The following ATP2B4 variants were observed in gnomAD, a reference collection of about 807,000 sequenced individuals.
ATP2B4 encodes the protein ATPase plasma membrane Ca2+ transporting 4, also known as plasma membrane calcium-transporting ATPase 4.
In ATP2B4, 39 loss-of-function variants were observed where a neutral mutation model predicts 110.3. The observed-to-expected ratio is 0.35, with a 90% CI of 0.27 to 0.46. The LOEUF is 0.46. ATP2B4 is among the 20% of genes least tolerant of loss of function. The pLI, the probability that ATP2B4 is intolerant of heterozygous loss-of-function variation, is 1.00. For synonymous variants in ATP2B4, 538 were observed against 571.7 expected, an observed-to-expected ratio of 0.94 and a Z score of 0.84; for missense variants, 1,135 against 1,530.9, an observed-to-expected ratio of 0.74 and a Z score of 4.32.
chr1:203,731,328 C>T (rs773670806), intron 20 of ATP2B4, among the ~76,000 whole-genome samples: 25 of 152,342 alleles, frequency 1.6e-4, no homozygotes, highest in Non-Finnish European at 2.5e-4. Context: ...ATTCTGCCTA[C>T]TTTCCCATCT....
At position 203,685,513 on chromosome 1, in the gene ATP2B4, A is replaced by G. The variant is rs995084248; in HGVS notation, c.193+2115A>G. 4.0e-5 allele frequency among the ~76,000 whole-genome samples: 6 copies of G among 149,946 alleles called. No homozygotes were observed. In the South Asian group the frequency reaches 6.4e-4, roughly 16 times the overall value. On this transcript the variant is annotated intron_variant, in intron 2 of 20. Coordinates refer to ENST00000357681, the MANE Select transcript of ATP2B4 (RefSeq NM_001684.5). ...TGTTACCCTTTGCCAGTGCTGTATT[A>G]TAAGTTAGTGACTTGGAGCCTAGAC...
intron 1 of ATP2B4, among the ~76,000 whole-genome samples, chr1:203,682,428 C>T (rs968153502): frequency 1.5e-4 from 23 of 152,122 alleles, no homozygotes; most frequent in African/African-American, 5.1e-4. Flanking sequence ...CATCAGAGGT[C>T]GTAACCATTT....
chr1:203,703,564 G>T, intron 7 of ATP2B4, 88 bp from the exon 8 acceptor site: 1 of 1,460,844 alleles, frequency 6.8e-7, no homozygotes, highest in Non-Finnish European at 9.4e-7. Context: ...CCGGGAAAGA[G>T]ACAGGAAGGT....
At chr1:203,696,802 T>A (rs1171601120) in intron 2 of ATP2B4, among the ~76,000 whole-genome samples, 1 of 152,164 alleles carries the variant, frequency 6.6e-6, no homozygotes, top group Admixed American at 6.6e-5. Context: ...CTGTGTGGTA[T>A]GTATTGTGTA....
intron 8 of ATP2B4, among the ~76,000 whole-genome samples, chr1:203,705,757 C>T (rs1340093633): frequency 1.3e-5 from 2 of 152,182 alleles, no homozygotes; most frequent in Non-Finnish European, 2.9e-5. Flanking sequence ...TACCTGATGG[C>T]TGGCCACTAG....
chr1:203,706,613 A>G (rs923608514), intron 8 of ATP2B4, among the ~76,000 whole-genome samples: 6 of 152,182 alleles, frequency 3.9e-5, no homozygotes. Context: ...GAAATGGACA[A>G]GTACAGTCAT....
chr1:203,683,431 G>A (rs1327582888), intron 2 of ATP2B4, 33 bp downstream of exon 2: 1 of 1,549,112 alleles, frequency 6.5e-7, no homozygotes. Context: ...GGAGTTGGAG[G>A]AAGGTGGCTA....
intron 1 of ATP2B4, among the ~76,000 whole-genome samples, chr1:203,669,590 C>A (rs1434301557): frequency 3.9e-5 from 6 of 152,072 alleles, no homozygotes; most frequent in African/African-American, 1.4e-4. Context: ...GCACGTGCCA[C>A]CACCCCCTGC....
At chr1:203,711,418 T>C (rs75329029) in intron 12 of ATP2B4, among the ~76,000 whole-genome samples, 2,391 of 152,270 alleles carry the variant, frequency 0.016, 71 homozygotes, top group African/African-American at 0.055. Context: ...ATCAACACAT[T>C]CTTTTTGAGT....
chr1:203,722,739 A>G, intron 18 of ATP2B4, 50 bp downstream of exon 18: 1 of 1,574,380 alleles, frequency 6.4e-7, no homozygotes. Flanking sequence ...GATAAAGGGC[A>G]GAAGCTGGGA....
intron 1 of ATP2B4, among the ~76,000 whole-genome samples, chr1:203,674,717 C>T (rs908369552): frequency 2.4e-5 from 3 of 123,126 alleles, no homozygotes; most frequent in South Asian, 3.0e-4. Flanking sequence ...AGTGCAATGG[C>T]ACAGTCTTGG....
chr1:203,682,696 C>T (rs11240734), intron 1 of ATP2B4, 46 bp from the exon 2 acceptor site: 127,080 of 152,630 alleles, frequency 0.83, 53,737 homozygotes, highest in East Asian at 1. Context: ...ATACTTATGG[C>T]TGCTCTAATG....
intron 16 of ATP2B4, 124 bp downstream of exon 16, chr1:203,720,864 A>G: frequency 8.4e-7 from 1 of 1,184,922 alleles, no homozygotes. Context: ...TTGGGACAGG[A>G]GTTAGCTCTT....
intron 1 of ATP2B4, among the ~76,000 whole-genome samples, chr1:203,638,146 G>A (rs1663514909): frequency 6.6e-6 from 1 of 152,122 alleles, no homozygotes; most frequent in African/African-American, 2.4e-5. Flanking sequence ...GGGGAGGAAG[G>A]GGTGTGCTGC....
At chr1:203,704,422 A>G (rs1665786015) in intron 8 of ATP2B4, among the ~76,000 whole-genome samples, 1 of 151,162 alleles carries the variant, frequency 6.6e-6, no homozygotes, top group African/African-American at 2.4e-5. Flanking sequence ...GGGAAGAAGA[A>G]ATAGAAGATT....
At chr1:203,731,085 C>G (rs1225605590) in intron 20 of ATP2B4, among the ~76,000 whole-genome samples, 2 of 152,194 alleles carry the variant, frequency 1.3e-5, no homozygotes, top group Non-Finnish European at 2.9e-5. Context: ...CCAATAAGCA[C>G]TGAAGAAGGT....
intron 15 of ATP2B4, among the ~76,000 whole-genome samples, chr1:203,718,189 T>C (rs952480022): frequency 1.3e-5 from 2 of 152,126 alleles, no homozygotes; most frequent in Admixed American, 6.5e-5. Context: ...TTACATATTT[T>C]TTATTCCACT....
In ATP2B4 at chr1:203,674,637, C is replaced by CTTT. The variant is rs57153257; in HGVS notation, c.-464-8072_-464-8070dup. ...CACAGGCGTGCAACACCACACCTGG[C>CTTT]TTTTTTTTTTTTTTTTTTTTTTTTT... On this transcript the variant is annotated intron_variant, in intron 1 of 20. Transcript: ENST00000357681. Among the ~76,000 whole-genome samples, 30 of 46,264 alleles carry CTTT rather than the reference C, an allele frequency of 6.5e-4. 4 individuals are homozygous for CTTT. The highest frequency in any genetic ancestry group is 1.4e-3 in the East Asian group (2 of 1,416). 30.4% of individuals were successfully genotyped at this position (46,264 alleles called of 152,430 possible).
At chr1:203,723,515 C>T (rs1249903998) in intron 18 of ATP2B4, among the ~76,000 whole-genome samples, 2 of 148,400 alleles carry the variant, frequency 1.3e-5, no homozygotes, top group African/African-American at 5.0e-5. Flanking sequence ...GGAGTGCAGC[C>T]TCAGTCTCCC....
Sources: allele counts gnomAD v4.1 joint callset (sites outside exome capture counted in the v4.1 genomes callset), GRCh38; gene constraint gnomAD v4.1.1; transcripts MANE v1.5; gene names NCBI Gene and HGNC (gene_info 2026-07-23, HGNC 2026-07-21).